ATP9B: variants seen among roughly 807,000 people sequenced by gnomAD.
ATP9B encodes probable phospholipid-transporting ATPase IIB.
ATP9B carries 110 observed loss-of-function variants against 146.1 expected under a neutral mutation model. The observed-to-expected ratio is 0.75, with a 90% CI of 0.65 to 0.88. The LOEUF is 0.88. Ranked by LOEUF, ATP9B falls within the 40% of genes least tolerant of loss-of-function variation. The pLI is 0.00. For synonymous variants in ATP9B, 604 were observed against 569.7 expected, an observed-to-expected ratio of 1.06 and a Z score of -0.86; for missense variants, 1,499 against 1,496.4, an observed-to-expected ratio of 1.00 and a Z score of -0.03.
intron 1 of ATP9B, chr18:79,077,900 C>G (rs1231359212): frequency 6.6e-6 from 1 of 152,228 alleles, no homozygotes. Flanking sequence ...GAGTATCTTT[C>G]TATTTCATAG....
intron 11 of ATP9B, among the ~76,000 whole-genome samples, chr18:79,232,605 G>A (rs562862070): frequency 1.3e-5 from 2 of 152,322 alleles, no homozygotes; most frequent in East Asian, 3.9e-4. Flanking sequence ...TAAAAGGTGG[G>A]AAATAAGCAG....
intron 2 of ATP9B, among the ~76,000 whole-genome samples, chr18:79,100,938 A>G (rs1247833529): frequency 2.6e-5 from 4 of 152,188 alleles, no homozygotes; most frequent in African/African-American, 7.2e-5. Flanking sequence ...CCATAACTCA[A>G]TCACCTCCCA....
intron 11 of ATP9B, among the ~76,000 whole-genome samples, chr18:79,241,944 T>C (rs1362955715): frequency 6.6e-6 from 1 of 152,232 alleles, no homozygotes; most frequent in East Asian, 1.9e-4. Context: ...TCACCTGCAC[T>C]TTGGAGTCCC....
intron 12 of ATP9B, among the ~76,000 whole-genome samples, chr18:79,274,801 C>T (rs953607548): frequency 1.2e-4 from 19 of 152,136 alleles, no homozygotes; most frequent in Admixed American, 7.2e-4. Flanking sequence ...TACAATCTTC[C>T]GAGAGCACTT....
In ATP9B at chr18:79,125,754, A is replaced by G. The variant is rs148367438; in HGVS notation, c.559-513A>G. Among the ~76,000 whole-genome samples, 746 of 152,318 alleles carry G rather than the reference A, an allele frequency of 4.9e-3. 5 individuals carry two copies. Among genetic ancestry groups the G allele is most frequent in the South Asian group, 0.025 (119 of 4,830 alleles). On this transcript the variant is annotated intron_variant, in intron 4 of 29. Transcript: ENST00000426216. Reference sequence around the variant, plus strand: ...GGCAGATTTTTACTTAAAAAGTGAGATGAAAGCACTATAATTGTTCATTCT... The same window carrying G: ...GGCAGATTTTTACTTAAAAAGTGAGGTGAAAGCACTATAATTGTTCATTCT...
chr18:79,113,354 G>T lies in ATP9B; in HGVS notation c.558G>T (p.Leu186=), dbSNP rs779526046. Reference sequence around the variant, plus strand: ...ATCTCTACACCTACTGGGCTCCTCTGGTAAGAAAAGACTTTAAAAATTAAG... The same window carrying T: ...ATCTCTACACCTACTGGGCTCCTCTTGTAAGAAAAGACTTTAAAAATTAAG... The part of the protein sequence containing the change: ...IGYLYTYWAP[L]GFVLAVTMTR... The change falls in exon 4 of 30, where the codon CTG becomes CTT. Residue 186 remains leucine (L), a splice_region_variant and synonymous_variant. Coordinates refer to ENST00000426216, the MANE Select transcript of ATP9B (RefSeq NM_198531.5). 23 of 1,478,306 alleles carry T rather than the reference G, an allele frequency of 1.6e-5. No homozygotes were observed. The highest frequency in any genetic ancestry group is 2.0e-5 in the Non-Finnish European group (22 of 1,073,252). 91.6% of individuals were successfully genotyped at this position (1,478,306 alleles called of 1,614,324 possible).
At chr18:79,288,773 T>C (rs1460763247) in intron 13 of ATP9B, among the ~76,000 whole-genome samples, 2 of 152,384 alleles carry the variant, frequency 1.3e-5, no homozygotes, top group East Asian at 3.9e-4. Flanking sequence ...TTTCCATGTT[T>C]AGTGCATCCT....
chr18:79,356,706 G>T (rs2096955545), intron 25 of ATP9B, among the ~76,000 whole-genome samples: 2 of 152,254 alleles, frequency 1.3e-5, no homozygotes, highest in Admixed American at 1.3e-4. Flanking sequence ...ATTAGAGATG[G>T]GGAACGGATT....
intron 11 of ATP9B, among the ~76,000 whole-genome samples, chr18:79,220,606 G>GA (rs1220820531): frequency 6.6e-6 from 1 of 151,956 alleles, no homozygotes. Context: ...GTCTCATTAA[G>GA]AAAAAATAGA....
intron 13 of ATP9B, among the ~76,000 whole-genome samples, chr18:79,290,324 G>A (rs1192507471): frequency 6.6e-6 from 1 of 152,202 alleles, no homozygotes; most frequent in African/African-American, 2.4e-5. Flanking sequence ...GCAATGGCGG[G>A]CGCCCCTCCC....
intron 5 of ATP9B, among the ~76,000 whole-genome samples, chr18:79,129,393 G>A (rs1190167577): frequency 6.6e-6 from 1 of 152,122 alleles, no homozygotes; most frequent in Non-Finnish European, 1.5e-5. Context: ...AGGAAGGGAA[G>A]GATGCAGCAC....
intron 3 of ATP9B, among the ~76,000 whole-genome samples, chr18:79,111,076 C>G (rs375376203): frequency 6.6e-6 from 1 of 152,070 alleles, no homozygotes. Flanking sequence ...AATTTAAATA[C>G]TGTAGTTTAA....
chr18:79,196,202 A>T (rs1465005016), intron 9 of ATP9B, among the ~76,000 whole-genome samples: 1 of 152,142 alleles, frequency 6.6e-6, no homozygotes, highest in Non-Finnish European at 1.5e-5. Context: ...GCTCCTTCAA[A>T]ACTGTCCTGC....
intron 3 of ATP9B, 105 bp from the exon 4 acceptor site, chr18:79,113,136 T>C (rs2094003255): frequency 1.6e-6 from 1 of 607,686 alleles, no homozygotes; most frequent in Admixed American, 3.1e-5. Context: ...TTCTCACTGT[T>C]TGATGGAAAT....
intron 29 of ATP9B, chr18:79,376,504 C>G (rs765708988): frequency 2.1e-5 from 14 of 674,072 alleles, no homozygotes; most frequent in Non-Finnish European, 2.6e-5. Flanking sequence ...ATTCTCCTGC[C>G]TCAGCCTCCT....
intron 15 of ATP9B, among the ~76,000 whole-genome samples, chr18:79,322,306 C>G (rs760618180): frequency 6.6e-6 from 1 of 152,224 alleles, no homozygotes; most frequent in Non-Finnish European, 1.5e-5. Context: ...GTCCATAGAA[C>G]GGCAGTGCCG....
chr18:79,239,797 G>A lies in ATP9B; in HGVS notation c.1108-13584G>A, dbSNP rs2095872262. Among the ~76,000 whole-genome samples, 1 of 152,136 alleles carries A rather than the reference G, an allele frequency of 6.6e-6. No individual in the cohort carries two copies. The highest frequency in any genetic ancestry group is 2.4e-5 in the African/African-American group (1 of 41,408). On this transcript the variant is annotated intron_variant, in intron 11 of 29. Transcript: ENST00000426216. The surrounding 1 kb of genome is among the most constrained non-coding windows in gnomAD (Gnocchi z 5.1). ...TTTCTCGAGAGCATTGTTTTGTGAG[G>A]GCGGTTGATCATCAGTTAATTATTA...
intron 8 of ATP9B, among the ~76,000 whole-genome samples, chr18:79,184,901 T>G (rs1463168954): frequency 1.3e-5 from 2 of 152,032 alleles, no homozygotes; most frequent in African/African-American, 2.4e-5. Flanking sequence ...TAAATGATAA[T>G]TTTCTAACAG....
At chr18:79,371,526 C>T (rs1391129954) in intron 26 of ATP9B, among the ~76,000 whole-genome samples, 1 of 152,208 alleles carries the variant, frequency 6.6e-6, no homozygotes, top group Non-Finnish European at 1.5e-5. Context: ...TAACATATGT[C>T]ACCACACTTG....
Sources: gnomAD v4.1 joint callset for allele counts (sites outside exome capture counted in the v4.1 genomes callset) on GRCh38, gnomAD v4.1.1 for gene constraint, Gnocchi (gnomAD v3.1) non-coding constraint, MANE v1.5 for transcripts, NCBI Gene and HGNC (gene_info 2026-07-23, HGNC 2026-07-21) for gene names.